CDH23: variants seen among roughly 807,000 people sequenced by gnomAD.
The protein encoded by CDH23 is cadherin-23.
A neutral mutation model predicts 317.1 loss-of-function variants in CDH23; 189 were observed. That is an observed-to-expected ratio of 0.60 (90% CI 0.53 to 0.67). CDH23 has a LOEUF of 0.67. Ranked by LOEUF, CDH23 falls within the 30% of genes least tolerant of loss-of-function variation. The probability of loss-of-function intolerance (pLI) is 0.00; values close to 1 mark genes in which losing one functional copy is unlikely to be tolerated. For missense variants in CDH23, 4,401 were observed against 4,592.4 expected (o/e 0.96, Z 1.20); for synonymous variants, 1,839 against 1,876.8 (o/e 0.98, Z 0.52).
intron 11 of CDH23, among the ~76,000 whole-genome samples, chr10:71,619,700 C>T (rs2132525862): frequency 6.6e-6 from 1 of 152,284 alleles, no homozygotes; most frequent in South Asian, 2.1e-4. Context: ...CCACAGCAGG[C>T]CATAATCCAG....
At chr10:71,429,626 A>G (rs1162553465) in intron 1 of CDH23, among the ~76,000 whole-genome samples, 3 of 152,172 alleles carry the variant, frequency 2.0e-5, no homozygotes, top group Admixed American at 6.5e-5. Context: ...CAGGGGGGAA[A>G]GTCGTATTTA....
chr10:71,409,184 C>T (rs958809522), intron 1 of CDH23, among the ~76,000 whole-genome samples: 2 of 152,148 alleles, frequency 1.3e-5, no homozygotes, highest in Non-Finnish European at 2.9e-5. Context: ...GACCAAGGGG[C>T]CCTGTTTGAT....
intron 6 of CDH23, among the ~76,000 whole-genome samples, chr10:71,540,231 C>G (rs961944504): frequency 6.6e-6 from 1 of 152,166 alleles, no homozygotes; most frequent in East Asian, 1.9e-4. Flanking sequence ...CCTCCTGGGT[C>G]TGCACTAGGG....
chr10:71,527,429 TG>T (rs1855104889), intron 6 of CDH23, among the ~76,000 whole-genome samples: 1 of 152,222 alleles, frequency 6.6e-6, no homozygotes, highest in East Asian at 1.9e-4. Context: ...CACAGCTGAT[TG>T]GAAGAGAGCA....
intron 26 of CDH23, among the ~76,000 whole-genome samples, chr10:71,708,555 G>T (rs1865868511): frequency 6.6e-6 from 1 of 152,206 alleles, no homozygotes; most frequent in African/African-American, 2.4e-5. Flanking sequence ...CTGTACACCT[G>T]CCTTGACTCC....
In CDH23 at chr10:71,716,258, CCGGGAGTGA is replaced by C. The variant is rs1332378519; in HGVS notation, c.3369+3452_3369+3460del. On this transcript the variant is annotated intron_variant, in intron 28 of 69. Coordinates refer to ENST00000224721, the MANE Select transcript of CDH23 (RefSeq NM_022124.6). ...GGGGTCAGTTGCCTCTGCAAGGGTC[CCGGGAGTGA>C]CGGGAGCTGAGAGAAAGGCGAGGGG... The C allele has an allele frequency of 5.2e-6, 8 of 1,544,332 alleles. No individual in the cohort carries two copies. In the South Asian group the frequency reaches 9.6e-5, roughly 19 times the overall value.
chr10:71,603,289 C>T (rs971424895), intron 9 of CDH23, among the ~76,000 whole-genome samples: 2 of 152,224 alleles, frequency 1.3e-5, no homozygotes, highest in Non-Finnish European at 2.9e-5. Context: ...TCCTTCCTCC[C>T]TCCCCCTCCT....
At position 71,793,381 on chromosome 10, in the gene CDH23, C is replaced by T. The variant is rs369701382; in HGVS notation, c.6453C>T (p.Thr2151=). ...RLTVVATDRG[T]VPLSGTAIVT... ...CGGTGGTGGCCACCGACCGGGGCAC[C>T]GTTCCTCTCTCGGGCACAGCCATTG... Residue 2151 remains threonine, a synonymous_variant, in exon 48 of 70, where the codon ACC becomes ACT. Transcript: ENST00000224721. 1.3e-5 allele frequency: 21 copies of T among 1,613,832 alleles called. No homozygotes were observed. In the East Asian group the frequency reaches 2.0e-4, roughly 15 times the overall value.
intron 68 of CDH23, 88 bp from the exon 69 acceptor site, chr10:71,813,156 G>A (rs545597876): frequency 1.0e-5 from 13 of 1,291,078 alleles, no homozygotes; most frequent in African/African-American, 8.8e-5. Flanking sequence ...TCAGATGTCC[G>A]TGTACCCCTT....
chr10:71,686,309 G>C (rs1221288884), intron 18 of CDH23, among the ~76,000 whole-genome samples: 1 of 152,092 alleles, frequency 6.6e-6, no homozygotes, highest in African/African-American at 2.4e-5. Flanking sequence ...ACCAGGGACA[G>C]GGGAGATGCC....
chr10:71,738,568 G>T lies in CDH23; in HGVS notation c.4280G>T (p.Ser1427Ile). 1 of 1,613,928 alleles carries T rather than the reference G, an allele frequency of 6.2e-7. No individual in the cohort carries two copies. The highest frequency in any genetic ancestry group is 8.5e-7 in the Non-Finnish European group (1 of 1,179,894). ...GACTTCACCTCCGACTCGGCGGTCA[G>T]CATACCCGAGGACTGCCCTGTGGGC... The part of the protein sequence containing the change: ...RFDFTSDSAV[S>I]IPEDCPVGQR... The change falls in exon 35 of 70, where the codon AGC (serine) becomes ATC (isoleucine). Residue 1427 changes from serine (S) to isoleucine (I), a missense_variant. By Grantham distance (142) the Ser-to-Ile change is moderately radical (BLOSUM62 -2). This residue lies in a region of CDH23 where 3,068 missense variants were observed against 3,203.3 expected (regional missense o/e 0.96). Transcript: ENST00000224721.
At chr10:71,556,917 T>TA (rs1377209708) in intron 6 of CDH23, among the ~76,000 whole-genome samples, 4 of 152,350 alleles carry the variant, frequency 2.6e-5, no homozygotes, top group African/African-American at 9.6e-5. Context: ...CACCATCCTC[T>TA]ACCTTATCTT....
At chr10:71,747,671 G>A (rs1489812746) in intron 38 of CDH23, 1 of 152,240 alleles carries the variant, frequency 6.6e-6, no homozygotes, top group African/African-American at 2.4e-5. Flanking sequence ...CAGGGAAGGG[G>A]GTGGATCAAA....
At chr10:71,615,452 A>G in intron 9 of CDH23, 52 bp from the exon 10 acceptor site, 1 of 842,228 alleles carries the variant, frequency 1.2e-6, no homozygotes, top group Non-Finnish European at 1.8e-6. Flanking sequence ...CCCCAGCTCC[A>G]TGCCCCCCTG....
intron 9 of CDH23, among the ~76,000 whole-genome samples, chr10:71,583,493 T>C (rs995918665): frequency 1.3e-5 from 2 of 151,878 alleles, no homozygotes; most frequent in African/African-American, 4.8e-5. Context: ...GGTGTCCAGC[T>C]GAGAGACAGT....
intron 40 of CDH23, 37 bp downstream of exon 40, chr10:71,778,345 A>T (rs1430933305): frequency 1.9e-6 from 3 of 1,612,022 alleles, no homozygotes; most frequent in Non-Finnish European, 2.5e-6. Context: ...TTGGGCTTGG[A>T]GGTTGGCGAA....
chr10:71,397,909 A>G lies in CDH23; in HGVS notation c.-6+591A>G, dbSNP rs1054752331. Among the ~76,000 whole-genome samples, 3 of 152,170 alleles carry G rather than the reference A, an allele frequency of 2.0e-5. No homozygotes were observed. In the South Asian group the frequency reaches 6.2e-4, roughly 32 times the overall value. On this transcript the variant is annotated intron_variant, in intron 1 of 69. Coordinates refer to ENST00000224721, the MANE Select transcript of CDH23 (RefSeq NM_022124.6). The surrounding 1 kb of genome is among the most constrained non-coding windows in gnomAD (Gnocchi z 4.8). ...CCAAATTCGGTCCAGCTATGGGAAG[A>G]CGCGCCCCTCGAGGAGCCGGGAGCC...
chr10:71,687,615 A>AGGTGTCT (rs748279171), intron 18 of CDH23, 32 bp from the exon 19 acceptor site: 14 of 1,608,756 alleles, frequency 8.7e-6, no homozygotes, highest in Non-Finnish European at 1.2e-5. Context: ...GCCTCCCTGC[A>AGGTGTCT]GCCTCCTGCA....
intron 62 of CDH23, among the ~76,000 whole-genome samples, 152 bp from the exon 63 acceptor site, chr10:71,811,163 T>C (rs985269970): frequency 6.6e-6 from 1 of 151,392 alleles, no homozygotes; most frequent in Non-Finnish European, 1.5e-5. Context: ...TCGAGGAACC[T>C]TGTAAAACAC....
Sources: allele counts gnomAD v4.1 joint callset (sites outside exome capture counted in the v4.1 genomes callset), GRCh38; gene constraint gnomAD v4.1.1; regional missense constraint gnomAD v4.1.1; non-coding constraint Gnocchi (gnomAD v3.1); transcripts MANE v1.5; gene names NCBI Gene and HGNC (gene_info 2026-07-23, HGNC 2026-07-21).